The following SIDT1 variants were observed in gnomAD, a reference collection of about 807,000 sequenced individuals.
The protein encoded by SIDT1 is SID1 transmembrane family member 1, also known as SID1 transmembrane family, member 1.
SIDT1 carries 101 observed loss-of-function variants against 107.5 expected under a neutral mutation model. The observed-to-expected ratio is 0.94, with a 90% CI of 0.80 to 1.11. The LOEUF (loss-of-function observed/expected upper bound fraction) is 1.11. SIDT1 is among the 50% of genes least tolerant of loss of function. The probability of loss-of-function intolerance (pLI) is 0.00; values close to 1 mark genes in which losing one functional copy is unlikely to be tolerated. For missense variants in SIDT1, 1,076 were observed against 1,058.2 expected, an observed-to-expected ratio of 1.02 and a Z score of -0.23; for synonymous variants, 395 against 398.2, an observed-to-expected ratio of 0.99 and a Z score of 0.10.
chr3:113,629,257 A>AT lies in SIDT1; in HGVS notation c.*1556dup, dbSNP rs938728941. On this transcript the variant is annotated 3_prime_UTR_variant, in exon 25 of 25. Coordinates refer to ENST00000264852, the MANE Select transcript of SIDT1 (RefSeq NM_017699.3). ...GTTGCTTTCAATGAAATATTTTGTG[A>AT]TTTTTTTAAAGTCCCCAAATGTGTA... 4 of 152,170 alleles carry AT rather than the reference A, an allele frequency of 2.6e-5. No homozygotes were observed. The highest frequency in any genetic ancestry group is 7.2e-5 in the African/African-American group (3 of 41,434). The allele number at this position is 152,170 out of a possible 1,614,324, so 9.4% of individuals were successfully genotyped here.
At chr3:113,537,998 G>T (rs1938378315) in intron 1 of SIDT1, among the ~76,000 whole-genome samples, 1 of 152,058 alleles carries the variant, frequency 6.6e-6, no homozygotes, top group Admixed American at 6.6e-5. Flanking sequence ...GGCTAGGCTG[G>T]TCTCAAACTC....
chr3:113,630,230 G>T (rs951575708), downstream of SIDT1, among the ~76,000 whole-genome samples: 9 of 152,198 alleles, frequency 5.9e-5, no homozygotes, highest in African/African-American at 2.2e-4. Flanking sequence ...GAGCAGTTCA[G>T]CTGGAGCAGG....
intron 6 of SIDT1, among the ~76,000 whole-genome samples, chr3:113,582,893 T>G (rs1016081874): frequency 6.6e-6 from 1 of 152,168 alleles, no homozygotes; most frequent in African/African-American, 2.4e-5. Flanking sequence ...GACCTTAAAG[T>G]TCATCTTGTC....
At chr3:113,611,223 C>G (rs908071394) in intron 18 of SIDT1, 79 bp downstream of exon 18, 1 of 1,539,792 alleles carries the variant, frequency 6.5e-7, no homozygotes, top group African/African-American at 1.4e-5. Context: ...ATCAAGTGAA[C>G]GGGTTTGGAT....
At chr3:113,604,863 A>C (rs771759383) in intron 13 of SIDT1, 47 bp from the exon 14 acceptor site, 2 of 1,600,336 alleles carry the variant, frequency 1.2e-6, no homozygotes, top group Non-Finnish European at 1.7e-6. Context: ...CAAAGACTCC[A>C]CTGTTCATTT....
intron 1 of SIDT1, among the ~76,000 whole-genome samples, chr3:113,561,846 C>T (rs1941457404): frequency 6.6e-6 from 1 of 152,102 alleles, no homozygotes; most frequent in Non-Finnish European, 1.5e-5. Context: ...AAGGAAATCC[C>T]ATCTGACATT....
intron 18 of SIDT1, among the ~76,000 whole-genome samples, chr3:113,611,437 T>C (rs1330237865): frequency 1.3e-5 from 2 of 152,224 alleles, no homozygotes. Flanking sequence ...GTTCAAGCGA[T>C]TCTCCTGCCT....
chr3:113,623,152 T>C (rs1039115045), intron 21 of SIDT1, among the ~76,000 whole-genome samples: 3 of 126,924 alleles, frequency 2.4e-5, no homozygotes, highest in Admixed American at 1.9e-4. Flanking sequence ...GATGGTGCCA[T>C]TGCACTCTAG....
intron 1 of SIDT1, among the ~76,000 whole-genome samples, chr3:113,546,842 G>A (rs77794102): frequency 0.032 from 4,799 of 152,120 alleles, 253 homozygotes; most frequent in African/African-American, 0.11. Context: ...ATGTTGCCAT[G>A]CAGTACCCCA....
At chr3:113,534,875 G>C (rs936815453) in intron 1 of SIDT1, among the ~76,000 whole-genome samples, 1 of 152,196 alleles carries the variant, frequency 6.6e-6, no homozygotes, top group Non-Finnish European at 1.5e-5. Flanking sequence ...TTTTGCACTT[G>C]AGATCACCTG....
intron 1 of SIDT1, 104 bp downstream of exon 1, chr3:113,533,347 G>A (rs1937692782): frequency 1.1e-6 from 1 of 886,478 alleles, no homozygotes; most frequent in Non-Finnish European, 1.6e-6. Flanking sequence ...AGACTTCGGG[G>A]ACCAGGGGAC....
intron 24 of SIDT1, among the ~76,000 whole-genome samples, chr3:113,627,387 T>C (rs376974320): frequency 1.3e-5 from 2 of 152,364 alleles, no homozygotes; most frequent in African/African-American, 4.8e-5. Flanking sequence ...ATAGGGATTT[T>C]TGTCTCTTTC....
intron 1 of SIDT1, among the ~76,000 whole-genome samples, chr3:113,561,625 G>C (rs954461948): frequency 2.4e-4 from 37 of 152,288 alleles, no homozygotes; most frequent in Middle Eastern, 6.8e-3. Flanking sequence ...TCCATTAGAT[G>C]GTTTCTTTGG....
intron 16 of SIDT1, 23 bp from the exon 17 acceptor site, chr3:113,608,396 G>T: frequency 6.3e-7 from 1 of 1,579,452 alleles, no homozygotes; most frequent in South Asian, 1.1e-5. Flanking sequence ...AGTATCTATT[G>T]ACCACCCTTT....
Position 113,606,869 on chromosome 3 carries a change from G to T in SIDT1, c.1405-172G>T, listed in dbSNP as rs1191256374. The T allele has an allele frequency of 8.0e-6, 4 of 502,638 alleles. No individual in the cohort carries two copies. The East Asian group carries it at 1.2e-4, about 15-fold the overall frequency. 31.1% of individuals were successfully genotyped at this position (502,638 alleles called of 1,614,324 possible). A position where few individuals can be genotyped will look rare whatever the true frequency, so the allele number is the denominator to read the frequency against. Reference sequence around the variant, plus strand: ...ATGGTAACTTTTTTGTAAAAAAAGTGCCTGTGCTGTGTAAGGTGGCAGATA... The same window carrying T: ...ATGGTAACTTTTTTGTAAAAAAAGTTCCTGTGCTGTGTAAGGTGGCAGATA... On this transcript the variant is annotated intron_variant, in intron 14 of 24. Transcript: ENST00000264852.
chr3:113,562,519 T>C (rs1236766628), intron 1 of SIDT1, among the ~76,000 whole-genome samples: 3 of 152,186 alleles, frequency 2.0e-5, no homozygotes, highest in African/African-American at 7.2e-5. Flanking sequence ...GTGCATGCAA[T>C]GTAATATTAT....
At chr3:113,590,344 A>G (rs920394058) in intron 9 of SIDT1, among the ~76,000 whole-genome samples, 1 of 152,242 alleles carries the variant, frequency 6.6e-6, no homozygotes, top group Non-Finnish European at 1.5e-5. Flanking sequence ...GTATCAAAAC[A>G]TGGGCACTTC....
intron 1 of SIDT1, among the ~76,000 whole-genome samples, chr3:113,535,248 G>A (rs1937989296): frequency 6.6e-6 from 1 of 152,034 alleles, no homozygotes; most frequent in African/African-American, 2.4e-5. Flanking sequence ...TACTCCCACT[G>A]GGGACAGAGT....
chr3:113,608,612 G>T lies in SIDT1; in HGVS notation c.1720+76G>T, dbSNP rs551880665. 3.5e-5 allele frequency: 36 copies of T among 1,031,670 alleles called. No individual in the cohort carries two copies. In the South Asian group the frequency reaches 4.7e-4, roughly 13 times the overall value. 63.9% of individuals were successfully genotyped at this position (1,031,670 alleles called of 1,614,324 possible). ...TGGAACCCTCCCCAAAAATGCCAAA[G>T]TCATGCTTGCAAAGATCAAATGGCA... On this transcript the variant is annotated intron_variant, in intron 17 of 24. Transcript: ENST00000264852.
Sources: allele counts gnomAD v4.1 joint callset (sites outside exome capture counted in the v4.1 genomes callset), GRCh38; gene constraint gnomAD v4.1.1; transcripts MANE v1.5; gene names NCBI Gene and HGNC (gene_info 2026-07-23, HGNC 2026-07-21).